Variants in PCDHGB2 observed in about 807,000 individuals in gnomAD.
PCDHGB2 encodes protocadherin gamma-B2.
Under a neutral mutation model 59.3 loss-of-function variants are expected in PCDHGB2, and 55 were observed. The ratio of observed to expected loss-of-function variants is 0.93; its 90% CI spans 0.75 to 1.16. The LOEUF is 1.16. Among genes scored for constraint, PCDHGB2 ranks in the 50% most tolerant of loss-of-function variants. The pLI, the probability that PCDHGB2 is intolerant of heterozygous loss-of-function variation, is 0.00. For missense variants in PCDHGB2, 1,228 were observed against 1,198.5 expected (o/e 1.02, Z -0.36); for synonymous variants, 516 against 512.0 (o/e 1.01, Z -0.11).
chr5:141,422,062 A>C, intron 1 of PCDHGB2: 4 of 1,612,140 alleles, frequency 2.5e-6, no homozygotes, highest in Non-Finnish European at 3.4e-6. Context: ...CGGGGAAGTA[A>C]TGTATTCATT....
intron 1 of PCDHGB2, among the ~76,000 whole-genome samples, chr5:141,456,944 C>G (rs1172050038): frequency 6.6e-6 from 1 of 152,138 alleles, no homozygotes; most frequent in Non-Finnish European, 1.5e-5. Context: ...GCCTGGGCAA[C>G]AGAGCAAAAC....
chr5:141,371,080 G>C (rs1409150939), intron 1 of PCDHGB2: 1 of 1,613,876 alleles, frequency 6.2e-7, no homozygotes, highest in East Asian at 2.2e-5. Context: ...ACCCAGATCA[G>C]GGTAATTGTC....
chr5:141,428,426 C>T (rs1040765233), intron 1 of PCDHGB2: 1 of 435,172 alleles, frequency 2.3e-6, no homozygotes, highest in African/African-American at 2.0e-5. Context: ...GGTCTCTGTT[C>T]TAAGACTAGA....
At chr5:141,385,281 C>G (rs761366864) in intron 1 of PCDHGB2, 15 of 1,613,230 alleles carry the variant, frequency 9.3e-6, no homozygotes, top group Admixed American at 3.3e-5. Flanking sequence ...TGCTAACATC[C>G]GTAGATTTTC....
At chr5:141,382,649 T>C (rs1778342764) in intron 1 of PCDHGB2, 5 of 404,024 alleles carry the variant, frequency 1.2e-5, no homozygotes, top group Admixed American at 8.0e-5. Flanking sequence ...AGTAACTTAG[T>C]AAGGACTCAC....
Position 141,410,173 on chromosome 5 carries a change from C to G in PCDHGB2, c.2421+47617C>G, listed in dbSNP as rs544938164. ...GTGGACAGCCGCCACTCTCTGCCACCGCCACGCTTCATCTGGTCTTCGCAG... is the reference window on the plus strand; with the variant it reads ...GTGGACAGCCGCCACTCTCTGCCACGGCCACGCTTCATCTGGTCTTCGCAG... On this transcript the variant is annotated intron_variant, in intron 1 of 3. Coordinates refer to ENST00000522605, the MANE Select transcript of PCDHGB2 (RefSeq NM_018923.3). The G allele has an allele frequency of 6.2e-6, 10 of 1,613,842 alleles. No individual in the cohort carries two copies. The African/African-American group carries it at 9.3e-5, about 15-fold the overall frequency.
At position 141,485,227 on chromosome 5, in the gene PCDHGB2, G is replaced by C. The variant is rs2099609828; in HGVS notation, c.2422-9580G>C. 1 of 1,614,186 alleles carries C rather than the reference G, an allele frequency of 6.2e-7. No individual in the cohort carries two copies. Among genetic ancestry groups the C allele is most frequent in the Non-Finnish European group, 8.5e-7 (1 of 1,180,020 alleles). On this transcript the variant is annotated intron_variant, in intron 1 of 3. Transcript: ENST00000522605. The surrounding 1 kb of genome is among the most constrained non-coding windows in gnomAD (Gnocchi z 5.7). The stretch of plus-strand genomic sequence containing the variant: ...AAATCTGGCGGTGGGCTACCCTTTT[G>C]TTCCTCTTTTACCACCTGGGTTACG...
intron 1 of PCDHGB2, chr5:141,409,356 A>G: frequency 6.2e-7 from 1 of 1,614,004 alleles, no homozygotes; most frequent in Non-Finnish European, 8.5e-7. Context: ...GTCAGGTGTA[A>G]TATAGAAACA....
At chr5:141,389,405 G>T (rs758428464) in intron 1 of PCDHGB2, 1 of 1,613,496 alleles carries the variant, frequency 6.2e-7, no homozygotes, top group South Asian at 1.1e-5. Context: ...CCATAAGCGC[G>T]GAGAGCGGGG....
chr5:141,369,142 G>A (rs1302830150), intron 1 of PCDHGB2, among the ~76,000 whole-genome samples: 1 of 152,140 alleles, frequency 6.6e-6, no homozygotes, highest in Non-Finnish European at 1.5e-5. Context: ...ATGGAAAATG[G>A]CATGTTATTG....
rs2233603 is a variant in PCDHGB2 at position 141,490,063 on chromosome 5, G to A, written c.2422-4744G>A. 1,259 of 1,614,208 alleles carry A rather than the reference G, an allele frequency of 7.8e-4. 6 individuals carry two copies. The African/African-American group carries it at 0.013, about 16-fold the overall frequency. On this transcript the variant is annotated intron_variant, in intron 1 of 3. Transcript: ENST00000522605. The surrounding 1 kb of genome is among the most constrained non-coding windows in gnomAD (Gnocchi z 5.4). ...CACTGATCCAGACGAGGGCACCAAC[G>A]GCCAACTAGACTATTCTTTTGGAGA...
In PCDHGB2 at chr5:141,477,967, C is replaced by A; in HGVS notation, c.2422-16840C>A. The A allele has an allele frequency of 6.2e-7, 1 of 1,614,150 alleles. No individual in the cohort carries two copies. Among genetic ancestry groups the A allele is most frequent in the Non-Finnish European group, 8.5e-7 (1 of 1,180,032 alleles). On this transcript the variant is annotated intron_variant, in intron 1 of 3. Transcript: ENST00000522605. The surrounding 1 kb of genome is among the most constrained non-coding windows in gnomAD (Gnocchi z 4.9). ...GTCTCTTGGGATCCCCTAACCAGAG[C>A]CTTTTTGCCATAGGGCTGCACACTG...
In PCDHGB2 at chr5:141,383,002, G is replaced by A. The variant is rs376825891; in HGVS notation, c.2421+20446G>A. 8 of 1,613,766 alleles carry A rather than the reference G, an allele frequency of 5.0e-6. No individual in the cohort carries two copies. Among genetic ancestry groups the A allele is most frequent in the East Asian group, 2.2e-5 (1 of 44,884 alleles). On this transcript the variant is annotated intron_variant, in intron 1 of 3. Transcript: ENST00000522605. ...CTGGGCAGGACGTATTCTCTACTCC[G>A]TGTCGGAGGAGACGGACAAAGGGTC...
chr5:141,505,078 C>G (rs535590642), intron 2 of PCDHGB2, among the ~76,000 whole-genome samples: 81 of 152,298 alleles, frequency 5.3e-4, no homozygotes, highest in African/African-American at 2.0e-3. Flanking sequence ...AGGAGAATCG[C>G]TTGAACCCAG....
chr5:141,449,588 CAAAAAAAAAAA>C (rs768743917), intron 1 of PCDHGB2, among the ~76,000 whole-genome samples: 1 of 57,492 alleles, frequency 1.7e-5, no homozygotes, highest in Non-Finnish European at 3.7e-5. Flanking sequence ...GACTCTGTCT[CAAAAAAAAAAA>C]AAAAAAAAGT....
intron 1 of PCDHGB2, chr5:141,419,468 C>T: frequency 6.2e-7 from 1 of 1,612,484 alleles, no homozygotes; most frequent in Non-Finnish European, 8.5e-7. Flanking sequence ...GGCCCGCGAC[C>T]AGGGCTCGCC....
chr5:141,441,918 C>A (rs1183933153), intron 1 of PCDHGB2: 8 of 351,246 alleles, frequency 2.3e-5, no homozygotes, highest in African/African-American at 1.1e-4. Flanking sequence ...ATGTGAGACA[C>A]AATGCGTGGC....
chr5:141,404,787 G>A (rs1561696267), intron 1 of PCDHGB2: 23 of 1,613,988 alleles, frequency 1.4e-5, no homozygotes, highest in Non-Finnish European at 1.9e-5. Context: ...TTCAAGGCCA[G>A]TGAGCCAGGG....
Position 141,375,419 on chromosome 5 carries a change from A to G in PCDHGB2, c.2421+12863A>G, listed in dbSNP as rs756318329. The G allele has an allele frequency of 1.9e-6, 3 of 1,613,982 alleles. No homozygotes were observed. The South Asian group carries it at 3.3e-5, about 18-fold the overall frequency. The stretch of plus-strand genomic sequence containing the variant: ...CATCTCTCTAAATGTGGCAGACACC[A>G]ACGACAACCCGCCCACCTTCCCCCA... On this transcript the variant is annotated intron_variant, in intron 1 of 3. Coordinates refer to ENST00000522605, the MANE Select transcript of PCDHGB2 (RefSeq NM_018923.3).
Sources: gnomAD v4.1 joint callset for allele counts (sites outside exome capture counted in the v4.1 genomes callset) on GRCh38, gnomAD v4.1.1 for gene constraint, Gnocchi (gnomAD v3.1) non-coding constraint, MANE v1.5 for transcripts, NCBI Gene and HGNC (gene_info 2026-07-23, HGNC 2026-07-21) for gene names.